FLRT2: variants seen among roughly 807,000 people sequenced by gnomAD.
The protein encoded by FLRT2 is leucine-rich repeat transmembrane protein FLRT2.
A neutral mutation model predicts 40.0 loss-of-function variants in FLRT2; 15 were observed. The observed-to-expected ratio is 0.38, with a 90% CI of 0.25 to 0.58. The LOEUF (loss-of-function observed/expected upper bound fraction) is 0.58. FLRT2 is among the 20% of genes least tolerant of loss of function. FLRT2 has a pLI of 0.71. For missense variants in FLRT2, 726 were observed against 840.0 expected (o/e 0.86, Z 1.68); for synonymous variants, 380 against 336.8 (o/e 1.13, Z -1.41).
At chr14:85,543,919 T>C (rs914515097) in intron 1 of FLRT2, among the ~76,000 whole-genome samples, 1 of 152,186 alleles carries the variant, frequency 6.6e-6, no homozygotes, top group African/African-American at 2.4e-5. Context: ...TCTGCTTACA[T>C]GTCTATCTCG....
chr14:85,612,626 A>G (rs899305415), intron 1 of FLRT2, among the ~76,000 whole-genome samples: 1 of 152,160 alleles, frequency 6.6e-6, no homozygotes, highest in Non-Finnish European at 1.5e-5. Flanking sequence ...TCTGTTTCTT[A>G]TCCCCTCTTG....
chr14:85,576,369 A>G (rs1891127840), intron 1 of FLRT2, among the ~76,000 whole-genome samples: 1 of 152,170 alleles, frequency 6.6e-6, no homozygotes, highest in Non-Finnish European at 1.5e-5. Context: ...TTTAGGCATA[A>G]AGGCAGAGAC....
In FLRT2 at chr14:85,622,072, A is replaced by G; in HGVS notation, c.558A>G (p.Arg186=). ...VGLPVDLQEL[R]VDENRIAVIS... ...TTCCTGTGGACTTGCAAGAGCTGAG[A>G]GTGGATGAAAATCGAATTGCTGTCA... The change falls in exon 2 of 2, where the codon AGA becomes AGG. Residue 186 remains arginine (R), a synonymous_variant. Transcript: ENST00000330753. 6.2e-7 allele frequency: 1 copy of G among 1,614,068 alleles called. No individual in the cohort carries two copies. The highest frequency in any genetic ancestry group is 1.1e-5 in the South Asian group (1 of 91,062).
chr14:85,558,035 A>G (rs140400784), intron 1 of FLRT2, among the ~76,000 whole-genome samples: 1 of 143,848 alleles, frequency 7.0e-6, no homozygotes, highest in African/African-American at 3.0e-5. Context: ...AGACTTCCGT[A>G]GAAAGCATCT....
chr14:85,580,202 A>C (rs1891321786), intron 1 of FLRT2, among the ~76,000 whole-genome samples: 2 of 152,320 alleles, frequency 1.3e-5, no homozygotes, highest in South Asian at 4.1e-4. Context: ...CATTCAGCCT[A>C]ATAGCAGGTG....
At position 85,560,567 on chromosome 14, in the gene FLRT2, C is replaced by A. The variant is rs925565859; in HGVS notation, c.-377+30033C>A. Among the ~76,000 whole-genome samples, 173 of 150,540 alleles carry A rather than the reference C, an allele frequency of 1.1e-3. 1 individual carries two copies. The highest frequency in any genetic ancestry group is 1.8e-3 in the Non-Finnish European group (125 of 67,712). On this transcript the variant is annotated intron_variant, in intron 1 of 1. Transcript: ENST00000330753. Reference sequence around the variant, plus strand: ...CTGCACTCCAGCCTGGGCTGCAGAGCGAGACTCCATCTCAAAAATAAATAA... The same window carrying A: ...CTGCACTCCAGCCTGGGCTGCAGAGAGAGACTCCATCTCAAAAATAAATAA...
intron 1 of FLRT2, among the ~76,000 whole-genome samples, chr14:85,568,259 C>A (rs1488310300): frequency 8.6e-5 from 13 of 151,876 alleles, no homozygotes; most frequent in Admixed American, 8.5e-4. Flanking sequence ...GGAGGCAGAG[C>A]GCATAGTTTT....
chr14:85,554,480 T>C (rs1889837253), intron 1 of FLRT2, among the ~76,000 whole-genome samples: 1 of 152,214 alleles, frequency 6.6e-6, no homozygotes, highest in Admixed American at 6.5e-5. Flanking sequence ...TCAGATCCCC[T>C]TGGATCACTT....
intron 1 of FLRT2, among the ~76,000 whole-genome samples, chr14:85,557,539 G>A (rs546849061): frequency 1.4e-4 from 22 of 152,302 alleles, no homozygotes; most frequent in African/African-American, 5.0e-4. Flanking sequence ...GGCAAGGCGC[G>A]GTGGCTCACG....
At chr14:85,545,701 A>T (rs978936431) in intron 1 of FLRT2, among the ~76,000 whole-genome samples, 2 of 152,252 alleles carry the variant, frequency 1.3e-5, no homozygotes, top group Non-Finnish European at 2.9e-5. Context: ...AAAACAAAGC[A>T]TGACAACTTC....
intron 1 of FLRT2, among the ~76,000 whole-genome samples, chr14:85,570,557 TTTATTTTA>T (rs1454267755): frequency 3.0e-5 from 4 of 132,340 alleles, no homozygotes; most frequent in South Asian, 2.6e-4. Context: ...CTTATTTTTA[TTTATTTTA>T]TTTATTTATT....
chr14:85,632,420 C>G lies in FLRT2; in HGVS notation c.*8923C>G, dbSNP rs1893900437. On this transcript the variant is annotated 3_prime_UTR_variant, in exon 2 of 2. Coordinates refer to ENST00000330753, the MANE Select transcript of FLRT2 (RefSeq NM_013231.6). ...CTAGGAGGTGGAGGTTGCAGTGAGC[C>G]AAGATCATGCCATTGCACTCCAGCC... The G allele has an allele frequency of 1.4e-5, 2 of 139,158 alleles. No individual in the cohort carries two copies. The allele number at this position is 139,158 out of a possible 1,614,324, so 8.6% of individuals were successfully genotyped here.
At chr14:85,554,370 A>G (rs547909733) in intron 1 of FLRT2, among the ~76,000 whole-genome samples, 3 of 152,278 alleles carry the variant, frequency 2.0e-5, no homozygotes, top group South Asian at 4.1e-4. Flanking sequence ...TATGTGCTTC[A>G]TTTTCTGATA....
In FLRT2 at chr14:85,651,638, TTTGA is replaced by T. The variant is rs1894435778; in HGVS notation, c.*28145_*28148del. ...TTTGTTTTATTGCTTTAAACTCTATTTTGATTGTTTTTAATCTGATCATACAGAC... is the reference window on the plus strand; with the variant it reads ...TTTGTTTTATTGCTTTAAACTCTATTTTGTTTTTAATCTGATCATACAGAC... On this transcript the variant is annotated 3_prime_UTR_variant, in exon 2 of 2. Transcript: ENST00000330753. 6.6e-6 allele frequency: 1 copy of T among 152,106 alleles called. No homozygotes were observed. The highest frequency in any genetic ancestry group is 1.5e-5 in the Non-Finnish European group (1 of 67,974). The allele number at this position is 152,106 out of a possible 1,614,324, so 9.4% of individuals were successfully genotyped here. A position where few individuals can be genotyped will look rare whatever the true frequency, so the allele number is the denominator to read the frequency against.
In FLRT2 at chr14:85,622,600, C is replaced by T; in HGVS notation, c.1086C>T (p.Thr362=). 2 of 1,613,460 alleles carry T rather than the reference C, an allele frequency of 1.2e-6. No homozygotes were observed. The highest frequency in any genetic ancestry group is 1.1e-5 in the South Asian group (1 of 91,024). Residue 362 remains threonine, a synonymous_variant, in exon 2 of 2, where the codon ACC becomes ACT. Transcript: ENST00000330753. The stretch of plus-strand genomic sequence containing the variant: ...ATATGAATCTTTTGTCCTGTCCCAC[C>T]ACGACCCCCGGCCTGCCTCTCTTCA... ...ELNMNLLSCP[T]TTPGLPLFTP... is the part of the protein sequence containing the mutation.
chr14:85,593,255 T>A (rs1891984039), intron 1 of FLRT2, among the ~76,000 whole-genome samples: 1 of 152,266 alleles, frequency 6.6e-6, no homozygotes, highest in Admixed American at 6.5e-5. Context: ...TTCAAATGGT[T>A]AATTTTAGGC....
chr14:85,633,697 G>A lies in FLRT2; in HGVS notation c.*10200G>A, dbSNP rs1435254102. 1 of 151,536 alleles carries A rather than the reference G, an allele frequency of 6.6e-6. No individual in the cohort carries two copies. The highest frequency in any genetic ancestry group is 1.5e-5 in the Non-Finnish European group (1 of 67,996). 9.4% of individuals were successfully genotyped at this position (151,536 alleles called of 1,614,324 possible). On this transcript the variant is annotated 3_prime_UTR_variant, in exon 2 of 2. Coordinates refer to ENST00000330753, the MANE Select transcript of FLRT2 (RefSeq NM_013231.6). ...TGCCTATAGTCCCAGCTACTTGGGA[G>A]GTTGAAGCAGGAGGGTCACTTGAGC...
In FLRT2 at chr14:85,652,909, G is replaced by A. The variant is rs1192605792; in HGVS notation, c.*29412G>A. 6.6e-6 allele frequency: 1 copy of A among 152,104 alleles called. No individual in the cohort carries two copies. Among genetic ancestry groups the A allele is most frequent in the East Asian group, 1.9e-4 (1 of 5,184 alleles). The allele number at this position is 152,104 out of a possible 1,614,324, so 9.4% of individuals were successfully genotyped here. A position where few individuals can be genotyped will look rare whatever the true frequency, so the allele number is the denominator to read the frequency against. ...TTACTTTACATTCATTGAACTCTGA[G>A]GTTATAGAACTGTGAACTTTTCGAT... On this transcript the variant is annotated 3_prime_UTR_variant, in exon 2 of 2. Transcript: ENST00000330753.
chr14:85,612,097 G>A (rs1480685903), intron 1 of FLRT2, among the ~76,000 whole-genome samples: 10 of 137,878 alleles, frequency 7.3e-5, no homozygotes, highest in African/African-American at 2.6e-4. Flanking sequence ...CTAAGTCATT[G>A]TGTGCACCTG....
Sources: gnomAD v4.1 joint callset for allele counts (sites outside exome capture counted in the v4.1 genomes callset) on GRCh38, gnomAD v4.1.1 for gene constraint, MANE v1.5 for transcripts, NCBI Gene and HGNC (gene_info 2026-07-23, HGNC 2026-07-21) for gene names.